ARHGEF28: variants seen among roughly 807,000 people sequenced by gnomAD.
ARHGEF28 encodes the protein 190 kDa guanine nucleotide exchange factor.
Under a neutral mutation model 206.6 loss-of-function variants are expected in ARHGEF28, and 152 were observed. That is an observed-to-expected ratio of 0.74 (90% CI 0.64 to 0.84). The LOEUF (loss-of-function observed/expected upper bound fraction) is 0.84. ARHGEF28 is among the 40% of genes least tolerant of loss of function. The pLI, the probability that ARHGEF28 is intolerant of heterozygous loss-of-function variation, is 0.00. For missense variants in ARHGEF28, 2,028 were observed against 2,073.2 expected (o/e 0.98, Z 0.42); for synonymous variants, 763 against 776.4 (o/e 0.98, Z 0.29).
At chr5:73,670,774 T>C (rs1746253215) in intron 1 of ARHGEF28, among the ~76,000 whole-genome samples, 1 of 152,254 alleles carries the variant, frequency 6.6e-6, no homozygotes, top group South Asian at 2.1e-4. Context: ...TTGCCATCTG[T>C]ATATCCTTTT....
rs59149035 is a variant in ARHGEF28 at position 73,738,482 on chromosome 5, CGTGTGTGT to C, written c.34-11326_34-11319del. 3.6e-3 allele frequency among the ~76,000 whole-genome samples: 519 copies of C among 145,678 alleles called. 1 individual carries two copies. The highest frequency in any genetic ancestry group is 6.4e-3 in the Non-Finnish European group (425 of 66,280). ...TAGCACTCTTATTTAAGAGTGGCCT[CGTGTGTGT>C]GTGTGTGTGTGTGTGTGTGTGTGTG... On this transcript the variant is annotated intron_variant, in intron 2 of 35. Coordinates refer to ENST00000513042, the MANE Select transcript of ARHGEF28 (RefSeq NM_001177693.2).
rs571127032 is a variant in ARHGEF28 at position 73,793,161 on chromosome 5, G to T, written c.911-1241G>T. Among the ~76,000 whole-genome samples, 70 of 152,190 alleles carry T rather than the reference G, an allele frequency of 4.6e-4. 1 individual carries two copies. The highest frequency in any genetic ancestry group is 2.1e-4 in the Non-Finnish European group (14 of 68,034). On this transcript the variant is annotated intron_variant, in intron 7 of 35. Coordinates refer to ENST00000513042, the MANE Select transcript of ARHGEF28 (RefSeq NM_001177693.2). ...CAAGAGCAATATACTATTGTGGCAT[G>T]CAAATGTAGTATTACTTGCTTTCTG...
intron 9 of ARHGEF28, among the ~76,000 whole-genome samples, chr5:73,798,864 G>A (rs1754978507): frequency 6.6e-6 from 1 of 151,892 alleles, no homozygotes; most frequent in Non-Finnish European, 1.5e-5. Flanking sequence ...AAGGTGGGTG[G>A]AACACTTGAG....
intron 2 of ARHGEF28, among the ~76,000 whole-genome samples, chr5:73,695,683 A>G (rs1363126720): frequency 6.6e-6 from 1 of 152,152 alleles, no homozygotes; most frequent in East Asian, 1.9e-4. Context: ...TGTCTTGATC[A>G]GTCATCAAGA....
chr5:73,781,863 T>G (rs10805883), intron 7 of ARHGEF28, among the ~76,000 whole-genome samples: 1 of 151,854 alleles, frequency 6.6e-6, no homozygotes, highest in Non-Finnish European at 1.5e-5. Flanking sequence ...GGTAGAGTTA[T>G]GTGATCTACT....
At chr5:73,690,372 C>A (rs1056712965) in intron 2 of ARHGEF28, among the ~76,000 whole-genome samples, 8 of 151,760 alleles carry the variant, frequency 5.3e-5, no homozygotes, top group African/African-American at 1.9e-4. Flanking sequence ...CTTATTTATC[C>A]AAGAGCTCCT....
At chr5:73,925,467 A>C (rs964331209) in intron 35 of ARHGEF28, among the ~76,000 whole-genome samples, 3 of 152,118 alleles carry the variant, frequency 2.0e-5, no homozygotes, top group African/African-American at 7.2e-5. Flanking sequence ...GTATTTTCTC[A>C]CTTGTTTGCT....
intron 10 of ARHGEF28, among the ~76,000 whole-genome samples, chr5:73,832,702 A>C (rs1200132989): frequency 6.6e-6 from 1 of 152,174 alleles, no homozygotes; most frequent in Admixed American, 6.5e-5. Context: ...GATACTGCCA[A>C]ATGGGAAGAG....
At chr5:73,812,288 G>A (rs1194337290) in intron 9 of ARHGEF28, among the ~76,000 whole-genome samples, 1 of 152,114 alleles carries the variant, frequency 6.6e-6, no homozygotes, top group African/African-American at 2.4e-5. Context: ...CAGTAGTACC[G>A]ACAATTTAGG....
intron 4 of ARHGEF28, among the ~76,000 whole-genome samples, chr5:73,762,764 A>G (rs1315046399): frequency 2.6e-5 from 4 of 152,114 alleles, no homozygotes; most frequent in Non-Finnish European, 4.4e-5. Context: ...GTTGGGGCCA[A>G]TTCAAGCCAT....
chr5:73,665,351 T>C (rs1257523052), intron 1 of ARHGEF28, among the ~76,000 whole-genome samples: 2 of 152,184 alleles, frequency 1.3e-5, no homozygotes, highest in African/African-American at 2.4e-5. Flanking sequence ...AGACAGGGTC[T>C]TGCTCTTGCT....
In ARHGEF28 at chr5:73,909,144, A is replaced by C. The variant is rs1762716465; in HGVS notation, c.4162-268A>C. 5 of 329,202 alleles carry C rather than the reference A, an allele frequency of 1.5e-5. No individual in the cohort carries two copies. The East Asian group carries it at 2.5e-4, about 16-fold the overall frequency. 20.4% of individuals were successfully genotyped at this position (329,202 alleles called of 1,614,324 possible). ...ATCACCCAACCACCAGCAGCAAACT[A>C]CCTTCCCACAGGAGAGGATGATATT... On this transcript the variant is annotated intron_variant, in intron 33 of 35. Coordinates refer to ENST00000513042, the MANE Select transcript of ARHGEF28 (RefSeq NM_001177693.2).
chr5:73,878,141 G>A (rs568260064), intron 22 of ARHGEF28, among the ~76,000 whole-genome samples: 1 of 151,954 alleles, frequency 6.6e-6, no homozygotes, highest in Non-Finnish European at 1.5e-5. Context: ...AGGATAGTTA[G>A]CTCTTCTTGT....
chr5:73,726,580 C>T lies in ARHGEF28; in HGVS notation c.34-23257C>T, dbSNP rs1341127277. ...TGCAAAAGTGTATCAATACAGTATA[C>T]GATGAACTTACTAAGCACAGTGTAA... On this transcript the variant is annotated intron_variant, in intron 2 of 35. Coordinates refer to ENST00000513042, the MANE Select transcript of ARHGEF28 (RefSeq NM_001177693.2). 8.5e-5 allele frequency among the ~76,000 whole-genome samples: 13 copies of T among 152,234 alleles called. No individual in the cohort carries two copies. The East Asian group carries it at 1.4e-3, about 16-fold the overall frequency.
intron 1 of ARHGEF28, among the ~76,000 whole-genome samples, chr5:73,629,545 A>G (rs1164280534): frequency 6.6e-6 from 1 of 151,950 alleles, no homozygotes; most frequent in African/African-American, 2.4e-5. Flanking sequence ...GACTGGCAAA[A>G]TAAGTCATGT....
chr5:73,833,289 T>C (rs1223125493), intron 10 of ARHGEF28, among the ~76,000 whole-genome samples: 2 of 152,236 alleles, frequency 1.3e-5, no homozygotes, highest in Non-Finnish European at 2.9e-5. Flanking sequence ...GTAAGACATT[T>C]AACCCTTTTA....
chr5:73,794,241 ACT>A, intron 7 of ARHGEF28, 159 bp from the exon 8 acceptor site: 1 of 567,848 alleles, frequency 1.8e-6, no homozygotes, highest in Non-Finnish European at 3.1e-6. Context: ...GTTATTAGAC[ACT>A]CTGCTCTGTG....
intron 2 of ARHGEF28, among the ~76,000 whole-genome samples, chr5:73,685,322 G>C (rs992807442): frequency 6.6e-6 from 1 of 152,144 alleles, no homozygotes; most frequent in East Asian, 1.9e-4. Context: ...TTGGCGCTGG[G>C]GGGGACAGGA....
chr5:73,837,621 A>G lies in ARHGEF28; in HGVS notation c.1147-2859A>G, dbSNP rs149353333. On this transcript the variant is annotated intron_variant, in intron 10 of 35. Transcript: ENST00000513042. Reference sequence around the variant, plus strand: ...ATATATTATGCTTTTATATGTTCTCAGATACATTAAAAATGCAAAATTTAC... The same window carrying G: ...ATATATTATGCTTTTATATGTTCTCGGATACATTAAAAATGCAAAATTTAC... Among the ~76,000 whole-genome samples, 165 of 152,072 alleles carry G rather than the reference A, an allele frequency of 1.1e-3. 4 individuals are homozygous for G. The East Asian group carries it at 0.028, about 26-fold the overall frequency.
Sources: allele counts gnomAD v4.1 joint callset (sites outside exome capture counted in the v4.1 genomes callset), GRCh38; gene constraint gnomAD v4.1.1; transcripts MANE v1.5; gene names NCBI Gene and HGNC (gene_info 2026-07-23, HGNC 2026-07-21).